ZNF562: variants seen among roughly 807,000 people sequenced by gnomAD.
The protein encoded by ZNF562 is zinc finger protein 562.
ZNF562 carries 13 observed loss-of-function variants against 17.5 expected under a neutral mutation model. That is an observed-to-expected ratio of 0.74 (90% CI 0.48 to 1.18). The LOEUF (loss-of-function observed/expected upper bound fraction) is 1.18. Ranked by LOEUF, ZNF562 falls within the 50% of genes most tolerant of loss-of-function variation. The pLI is 0.00. For synonymous variants in ZNF562, 163 were observed against 165.4 expected (o/e 0.99, Z 0.11); for missense variants, 481 against 498.5 (o/e 0.96, Z 0.33).
At chr19:9,669,750 A>ACG (rs1568282108) in intron 1 of ZNF562, among the ~76,000 whole-genome samples, 2 of 149,428 alleles carry the variant, frequency 1.3e-5, no homozygotes, top group East Asian at 4.1e-4. Context: ...ACACACACAC[A>ACG]CACACACACA....
rs947790772 is a variant in ZNF562 at position 9,653,341 on chromosome 19, A to G, written c.889T>C (p.Phe297Leu). 1.2e-5 allele frequency: 20 copies of G among 1,613,868 alleles called. No individual in the cohort carries two copies. The Admixed American group carries it at 2.3e-4, about 19-fold the overall frequency. ...ACATTAAAGGATGAGGAATTTCTAA[A>G]GGATCTTCCACATTCTTTACATTCA... ...SFECKECGRS[F>L]RNSSSFNVHI... The change falls in exon 6 of 6, where the codon TTT (phenylalanine) becomes CTT (leucine). Residue 297 changes from phenylalanine (F) to leucine (L), a missense_variant. Coordinates refer to ENST00000453372, the MANE Select transcript of ZNF562 (RefSeq NM_001130031.2).
At chr19:9,672,263 C>T (rs552772357) in intron 1 of ZNF562, among the ~76,000 whole-genome samples, 28 of 152,202 alleles carry the variant, frequency 1.8e-4, no homozygotes, top group Non-Finnish European at 3.2e-4. Context: ...TTAGTTATTA[C>T]GGAAAGTAGA....
chr19:9,673,644 AT>A (rs1359179264), intron 1 of ZNF562, among the ~76,000 whole-genome samples: 10 of 152,332 alleles, frequency 6.6e-5, no homozygotes, highest in Admixed American at 2.6e-4. Flanking sequence ...TAGAAAAAAA[AT>A]AACCTGCAAG....
chr19:9,654,024 T>C (rs2043368613), intron 5 of ZNF562, 143 bp from the exon 6 acceptor site: 1 of 1,020,560 alleles, frequency 9.8e-7, no homozygotes, highest in South Asian at 2.5e-5. Context: ...AGAGTCTTGT[T>C]CTATCTCCCA....
At position 9,643,044 on chromosome 19, in the gene ZNF562, G is replaced by GA. The variant is rs753091393; in HGVS notation, c.*9904dup. The GA allele has an allele frequency of 0.011, 870 of 76,210 alleles. 12 individuals carry two copies. The highest frequency in any genetic ancestry group is 0.057 in the South Asian group (123 of 2,172). The allele number at this position is 76,210 out of a possible 1,614,324, so 4.7% of individuals were successfully genotyped here. A position where few individuals can be genotyped will look rare whatever the true frequency, so the allele number is the denominator to read the frequency against. On this transcript the variant is annotated 3_prime_UTR_variant, in exon 6 of 6. Transcript: ENST00000453372. ...GTGACATGGCAAGACACTGTCTCTGGAAAAAAAAAAAAAAAAAAAGAACAC... is the reference window on the plus strand; with the variant it reads ...GTGACATGGCAAGACACTGTCTCTGGAAAAAAAAAAAAAAAAAAAAGAACAC...
chr19:9,663,341 G>A (rs1210358865), intron 1 of ZNF562, among the ~76,000 whole-genome samples: 2 of 151,050 alleles, frequency 1.3e-5, no homozygotes, highest in Non-Finnish European at 2.9e-5. Flanking sequence ...AACCCAGGAG[G>A]TGGAGCTTGC....
At chr19:9,654,342 G>A (rs1216451891) in intron 5 of ZNF562, among the ~76,000 whole-genome samples, 1 of 152,096 alleles carries the variant, frequency 6.6e-6, no homozygotes, top group Non-Finnish European at 1.5e-5. Context: ...GGTCTATAGT[G>A]CACTGCAGTG....
intron 4 of ZNF562, among the ~76,000 whole-genome samples, chr19:9,657,288 G>A (rs950558483): frequency 6.6e-6 from 1 of 150,502 alleles, no homozygotes; most frequent in African/African-American, 2.4e-5. Flanking sequence ...AACAGCTTCG[G>A]GAAGCTGAGG....
At position 9,660,082 on chromosome 19, in the gene ZNF562, C is replaced by A. The variant is rs368142040; in HGVS notation, c.26-615G>T. Among the ~76,000 whole-genome samples the A allele has an allele frequency of 5.7e-5, 7 of 122,766 alleles. No individual in the cohort carries two copies. In the East Asian group the frequency reaches 1.6e-3, roughly 28 times the overall value. 80.5% of individuals were successfully genotyped at this position (122,766 alleles called of 152,430 possible). On this transcript the variant is annotated intron_variant, in intron 2 of 5. Coordinates refer to ENST00000453372, the MANE Select transcript of ZNF562 (RefSeq NM_001130031.2). ...TCAGCCTGGGTGACAGAGTGAGACT[C>A]CATCTCAAAAAAAAAAAAAAAAAAA...
chr19:9,660,778 C>G lies in ZNF562; in HGVS notation c.-34G>C, dbSNP rs745591238. On this transcript the variant is annotated 5_prime_UTR_variant, in exon 2 of 6. Transcript: ENST00000453372. ...GCTGATGGTGAGATGTGCCTCAATG[C>G]TGTCTTTCTTGATGCCAAGATCGCC... 6.2e-7 allele frequency: 1 copy of G among 1,611,994 alleles called. No homozygotes were observed. Among genetic ancestry groups the G allele is most frequent in the Admixed American group, 1.7e-5 (1 of 59,726 alleles).
At chr19:9,657,036 T>C (rs2043519142) in intron 4 of ZNF562, among the ~76,000 whole-genome samples, 1 of 136,168 alleles carries the variant, frequency 7.3e-6, no homozygotes, top group South Asian at 2.3e-4. Flanking sequence ...CGAGACTCCA[T>C]CTCAAAAAAA....
chr19:9,660,789 G>C lies in ZNF562; in HGVS notation c.-45C>G. ...GATGTGCCTCAATGCTGTCTTTCTT[G>C]ATGCCAAGATCGCCTCAGGGCAGCT... On this transcript the variant is annotated 5_prime_UTR_variant, in exon 2 of 6. In the 5' UTR this introduces an upstream ATG that the reference lacks. Coordinates refer to ENST00000453372, the MANE Select transcript of ZNF562 (RefSeq NM_001130031.2). 2 of 1,609,520 alleles carry C rather than the reference G, an allele frequency of 1.2e-6. No individual in the cohort carries two copies. The highest frequency in any genetic ancestry group is 1.7e-6 in the Non-Finnish European group (2 of 1,177,304).
At chr19:9,666,284 T>C (rs909369630) in intron 1 of ZNF562, among the ~76,000 whole-genome samples, 1 of 149,916 alleles carries the variant, frequency 6.7e-6, no homozygotes, top group Non-Finnish European at 1.5e-5. Flanking sequence ...GATCGCACTA[T>C]TGCACTCCAG....
At chr19:9,658,412 C>T (rs772464507) in intron 3 of ZNF562, 324 of 909,282 alleles carry the variant, frequency 3.6e-4, no homozygotes, top group Admixed American at 1.2e-3. Flanking sequence ...TGCAATGGCA[C>T]GATCTCGGCT....
chr19:9,659,498 C>A, intron 2 of ZNF562, 31 bp from the exon 3 acceptor site: 1 of 1,546,072 alleles, frequency 6.5e-7, no homozygotes. Context: ...CATGAGAAGC[C>A]AGAGCTGCCC....
At chr19:9,655,794 T>C (rs1185331221) in intron 5 of ZNF562, among the ~76,000 whole-genome samples, 2 of 135,506 alleles carry the variant, frequency 1.5e-5, no homozygotes, top group African/African-American at 5.4e-5. Context: ...AATGCAGTGG[T>C]GCAGTGCTGG....
At chr19:9,659,491 G>C in intron 2 of ZNF562, 24 bp from the exon 3 acceptor site, 1 of 1,548,142 alleles carries the variant, frequency 6.5e-7, no homozygotes, top group Non-Finnish European at 8.7e-7. Flanking sequence ...AAGAAGGCAT[G>C]AGAAGCCAGA....
intron 1 of ZNF562, among the ~76,000 whole-genome samples, chr19:9,665,095 G>A (rs753180492): frequency 1.1e-4 from 16 of 151,888 alleles, no homozygotes; most frequent in Non-Finnish European, 1.8e-4. Context: ...GGTGGCACAC[G>A]CCTGAAGTCC....
chr19:9,673,635 A>C (rs970274775), intron 1 of ZNF562, among the ~76,000 whole-genome samples: 2 of 152,196 alleles, frequency 1.3e-5, no homozygotes, highest in Non-Finnish European at 2.9e-5. Context: ...GGTAACAATT[A>C]GAAAAAAAAT....
Sources: allele counts gnomAD v4.1 joint callset (sites outside exome capture counted in the v4.1 genomes callset), GRCh38; gene constraint gnomAD v4.1.1; transcripts MANE v1.5; gene names NCBI Gene and HGNC (gene_info 2026-07-23, HGNC 2026-07-21).